The following MBTD1 variants were observed in gnomAD, a reference collection of about 807,000 sequenced individuals.
MBTD1 encodes mbt domain containing 1.
Under a neutral mutation model 87.8 loss-of-function variants are expected in MBTD1, and 24 were observed. That is an observed-to-expected ratio of 0.27 (90% CI 0.20 to 0.38). MBTD1 has a LOEUF of 0.38. Ranked by LOEUF, MBTD1 falls within the 10% of genes least tolerant of loss-of-function variation. MBTD1 has a pLI of 1.00. For synonymous variants in MBTD1, 237 were observed against 248.6 expected, an observed-to-expected ratio of 0.95 and a Z score of 0.44; for missense variants, 436 against 760.2, an observed-to-expected ratio of 0.57 and a Z score of 5.02.
At chr17:51,192,352 A>C in intron 15 of MBTD1, 72 bp from the exon 16 acceptor site, 1 of 986,558 alleles carries the variant, frequency 1.0e-6, no homozygotes, top group Middle Eastern at 3.0e-4. Flanking sequence ...GTCTAGATAC[A>C]ACTTATATGA....
intron 2 of MBTD1, chr17:51,256,742 C>T (rs1220448674): frequency 6.6e-6 from 1 of 152,152 alleles, no homozygotes; most frequent in East Asian, 1.9e-4. Flanking sequence ...CTAGTGGCTA[C>T]CGTAACTGGA....
intron 3 of MBTD1, among the ~76,000 whole-genome samples, chr17:51,221,525 C>G (rs961450311): frequency 2.6e-5 from 4 of 152,204 alleles, no homozygotes; most frequent in Admixed American, 1.3e-4. Flanking sequence ...GTTAAAGCCT[C>G]CACCCAAACA....
intron 12 of MBTD1, among the ~76,000 whole-genome samples, chr17:51,197,073 T>C (rs1185813219): frequency 1.7e-4 from 1 of 5,830 alleles, no homozygotes; most frequent in Non-Finnish European, 3.2e-4. Flanking sequence ...TATATATATA[T>C]ATATATATAT....
rs60957699 is a variant in MBTD1, at chr17:51,179,484, T to TATATATA, written c.*1091_*1092insTATATAT. 4.8e-4 allele frequency: 17 copies of TATATATA among 35,302 alleles called. 1 individual carries two copies. The highest frequency in any genetic ancestry group is 1.4e-3 in the Admixed American group (3 of 2,212). The allele number at this position is 35,302 out of a possible 1,614,324, so 2.2% of individuals were successfully genotyped here. A position where few individuals can be genotyped will look rare whatever the true frequency, so the allele number is the denominator to read the frequency against. Reference sequence around the variant, plus strand: ...ATCCTGAATACAATTAAAGACAATTTTATATATATATATATATATATATAT... The same window carrying TATATATA: ...ATCCTGAATACAATTAAAGACAATTTATATATATATATATATATATATATATATATAT... On this transcript the variant is annotated 3_prime_UTR_variant, in exon 17 of 17. Transcript: ENST00000586178.
intron 6 of MBTD1, among the ~76,000 whole-genome samples, chr17:51,213,037 T>C (rs576853752): frequency 6.6e-6 from 1 of 152,100 alleles, no homozygotes; most frequent in South Asian, 2.1e-4. Context: ...CTGAAGAGCA[T>C]ATATTTTTAT....
chr17:51,259,744 G>A (rs2055354266), intron 1 of MBTD1, 91 bp downstream of exon 1: 4 of 1,159,188 alleles, frequency 3.5e-6, no homozygotes, highest in Non-Finnish European at 4.3e-6. Flanking sequence ...CCAGGGAGCG[G>A]GGTCAGGGAG....
rs2050206891 is a variant in MBTD1 at position 51,179,488 on chromosome 17, A to ATATT, written c.*1087_*1088insAATA. ...TGAATACAATTAAAGACAATTTTAT[A>ATATT]TATATATATATATATATATATATAT... On this transcript the variant is annotated 3_prime_UTR_variant, in exon 17 of 17. Transcript: ENST00000586178. 1.1e-4 allele frequency: 2 copies of ATATT among 18,464 alleles called. No homozygotes were observed. Among genetic ancestry groups the ATATT allele is most frequent in the Non-Finnish European group, 2.3e-4 (2 of 8,888 alleles). The allele number at this position is 18,464 out of a possible 1,614,324, so 1.1% of individuals were successfully genotyped here.
chr17:51,259,763 T>C, intron 1 of MBTD1, 72 bp downstream of exon 1: 1 of 1,223,266 alleles, frequency 8.2e-7, no homozygotes. Context: ...AGCTGCGGGG[T>C]TCCTGGGGTC....
chr17:51,185,434 TA>T (rs2050491340), intron 16 of MBTD1: 1 of 152,252 alleles, frequency 6.6e-6, no homozygotes, highest in African/African-American at 2.4e-5. Context: ...TACCTTGGCC[TA>T]ACCAATTACA....
At chr17:51,215,588 T>A (rs562151878) in intron 6 of MBTD1, among the ~76,000 whole-genome samples, 11 of 152,254 alleles carry the variant, frequency 7.2e-5, no homozygotes, top group African/African-American at 2.4e-4. Flanking sequence ...GAAAGCAATA[T>A]CCCAAGAGAA....
intron 16 of MBTD1, among the ~76,000 whole-genome samples, chr17:51,187,839 ACT>A (rs1333348478): frequency 2.0e-5 from 3 of 147,596 alleles, no homozygotes; most frequent in African/African-American, 5.0e-5. Flanking sequence ...ACAGAGCAAG[ACT>A]CTGTCTCAAA....
At chr17:51,197,045 TA>T (rs2051157817) in intron 12 of MBTD1, among the ~76,000 whole-genome samples, 1 of 294 alleles carries the variant, frequency 3.4e-3, no homozygotes, top group Non-Finnish European at 9.6e-3. Context: ...ATACAAGATA[TA>T]TATATATATA....
intron 7 of MBTD1, among the ~76,000 whole-genome samples, chr17:51,205,640 G>C (rs867753310): frequency 1.3e-5 from 2 of 152,100 alleles, no homozygotes; most frequent in South Asian, 2.1e-4. Flanking sequence ...AAAACGTGCT[G>C]TATGAAAGGG....
intron 2 of MBTD1, among the ~76,000 whole-genome samples, chr17:51,242,547 A>G (rs1032498714): frequency 1.3e-5 from 2 of 152,220 alleles, no homozygotes; most frequent in African/African-American, 2.4e-5. Flanking sequence ...CTGATTTGAA[A>G]TAAGTTAGAA....
At chr17:51,225,591 A>T (rs564086948) in intron 2 of MBTD1, among the ~76,000 whole-genome samples, 1 of 150,306 alleles carries the variant, frequency 6.7e-6, no homozygotes, top group Non-Finnish European at 1.5e-5. Flanking sequence ...TCCTCGTCTC[A>T]AGCAATCTGC....
chr17:51,244,102 A>G (rs527332618), intron 2 of MBTD1, among the ~76,000 whole-genome samples: 1 of 152,318 alleles, frequency 6.6e-6, no homozygotes, highest in East Asian at 1.9e-4. Context: ...TCAGGGACAC[A>G]CTTTGAAATA....
At chr17:51,229,940 G>T (rs976356505) in intron 2 of MBTD1, among the ~76,000 whole-genome samples, 1 of 152,134 alleles carries the variant, frequency 6.6e-6, no homozygotes, top group Non-Finnish European at 1.5e-5. Flanking sequence ...TTACAGGCGT[G>T]AGCCACTGCA....
At chr17:51,202,629 G>T in intron 10 of MBTD1, 72 bp downstream of exon 10, 1 of 1,145,936 alleles carries the variant, frequency 8.7e-7, no homozygotes, top group Non-Finnish European at 1.3e-6. Context: ...CAATTCTGCA[G>T]AGAAAAATAA....
intron 2 of MBTD1, among the ~76,000 whole-genome samples, chr17:51,243,663 A>C (rs1275472465): frequency 1.3e-5 from 2 of 152,088 alleles, no homozygotes; most frequent in Middle Eastern, 3.2e-3. Flanking sequence ...AGTCGTATCT[A>C]TCTCTTTAGT....
Sources: allele counts gnomAD v4.1 joint callset (sites outside exome capture counted in the v4.1 genomes callset), GRCh38; gene constraint gnomAD v4.1.1; transcripts MANE v1.5; gene names NCBI Gene and HGNC (gene_info 2026-07-23, HGNC 2026-07-21).